The following TRAK1 variants were observed in gnomAD, a reference collection of about 807,000 sequenced individuals.
TRAK1 encodes the protein trafficking kinesin-binding protein 1.
In TRAK1, 33 loss-of-function variants were observed where a neutral mutation model predicts 92.1. The ratio of observed to expected loss-of-function variants is 0.36; its 90% CI spans 0.27 to 0.48. TRAK1 has a LOEUF of 0.48. TRAK1 is among the 20% of genes least tolerant of loss of function. TRAK1 has a pLI of 0.99. For missense variants in TRAK1, 1,123 were observed against 1,257.9 expected, an observed-to-expected ratio of 0.89 and a Z score of 1.62; for synonymous variants, 521 against 517.3, an observed-to-expected ratio of 1.01 and a Z score of -0.10.
intron 3 of TRAK1, among the ~76,000 whole-genome samples, chr3:42,182,271 G>A (rs1409846989): frequency 2.0e-5 from 3 of 151,796 alleles, no homozygotes; most frequent in Non-Finnish European, 4.4e-5. Context: ...CAAATTGTGG[G>A]AACGAGTTGG....
intron 1 of TRAK1, among the ~76,000 whole-genome samples, chr3:42,019,208 G>A (rs1225081789): frequency 6.6e-6 from 1 of 152,158 alleles, no homozygotes; most frequent in Non-Finnish European, 1.5e-5. Flanking sequence ...CAGAGATAAA[G>A]CATTTATGCA....
Position 42,154,393 on chromosome 3 carries a change from G to A in TRAK1, c.287-22421G>A, listed in dbSNP as rs536952940. Among the ~76,000 whole-genome samples the A allele has an allele frequency of 3.3e-5, 5 of 152,238 alleles. No individual in the cohort carries two copies. In the South Asian group the frequency reaches 8.3e-4, roughly 25 times the overall value. On this transcript the variant is annotated intron_variant, in intron 2 of 15. Coordinates refer to ENST00000327628, the MANE Select transcript of TRAK1 (RefSeq NM_001042646.3). ...TCACCATGTTGGCCAGGCTGGTCTC[G>A]AACTCCTGATCTCAGGTGGTCTGCT...
At chr3:42,109,665 T>A (rs1291139902) in intron 1 of TRAK1, among the ~76,000 whole-genome samples, 2 of 152,152 alleles carry the variant, frequency 1.3e-5, no homozygotes, top group Non-Finnish European at 2.9e-5. Context: ...ATGTTTATTG[T>A]GGCACTATTC....
At chr3:42,214,026 G>C (rs1473533787) in intron 14 of TRAK1, among the ~76,000 whole-genome samples, 1 of 152,164 alleles carries the variant, frequency 6.6e-6, no homozygotes, top group African/African-American at 2.4e-5. Flanking sequence ...GTGGAAAAAT[G>C]AATGAAGAAT....
intron 2 of TRAK1, among the ~76,000 whole-genome samples, chr3:42,164,259 A>T: frequency 6.6e-6 from 1 of 152,328 alleles, no homozygotes; most frequent in South Asian, 2.1e-4. Flanking sequence ...TACATTGTCA[A>T]CTTGCCTAAA....
intron 1 of TRAK1, among the ~76,000 whole-genome samples, chr3:42,041,200 C>T (rs1451265505): frequency 1.3e-5 from 2 of 148,946 alleles, no homozygotes; most frequent in Non-Finnish European, 3.0e-5. Context: ...AGATCAATTT[C>T]AGGAGTATTG....
At chr3:42,187,534 C>T (rs894649247) in intron 4 of TRAK1, among the ~76,000 whole-genome samples, 1 of 151,948 alleles carries the variant, frequency 6.6e-6, no homozygotes, top group Admixed American at 6.6e-5. Flanking sequence ...GTGGTGTGAT[C>T]TCAGCTCACT....
intron 14 of TRAK1, among the ~76,000 whole-genome samples, chr3:42,217,011 C>T (rs1709775741): frequency 6.6e-6 from 1 of 151,848 alleles, no homozygotes; most frequent in Non-Finnish European, 1.5e-5. Flanking sequence ...TGGTGCGTGG[C>T]ATGGGCTTGG....
intron 1 of TRAK1, among the ~76,000 whole-genome samples, chr3:42,112,043 C>T (rs1014242213): frequency 6.6e-6 from 1 of 151,376 alleles, no homozygotes; most frequent in African/African-American, 2.4e-5. Flanking sequence ...AAAAGTAGCC[C>T]CTACTCCAGA....
chr3:42,056,294 C>G (rs751779366), intron 1 of TRAK1, among the ~76,000 whole-genome samples: 26 of 152,226 alleles, frequency 1.7e-4, no homozygotes, highest in African/African-American at 5.8e-4. Flanking sequence ...ATTTTACATT[C>G]CCACCAGCAG....
intron 1 of TRAK1, among the ~76,000 whole-genome samples, chr3:42,094,964 AC>A: frequency 6.6e-6 from 1 of 152,146 alleles, no homozygotes; most frequent in South Asian, 2.1e-4. Flanking sequence ...CTCTATTCAG[AC>A]CCCAGCTGAC....
intron 2 of TRAK1, among the ~76,000 whole-genome samples, chr3:42,132,916 T>C (rs1464215224): frequency 1.3e-5 from 2 of 152,232 alleles, no homozygotes; most frequent in Non-Finnish European, 2.9e-5. Context: ...ACATTTGTCT[T>C]AATAAATACA....
intron 14 of TRAK1, chr3:42,211,558 A>G (rs1709029681): frequency 1.0e-6 from 1 of 985,312 alleles, no homozygotes; most frequent in Non-Finnish European, 1.2e-6. Context: ...TTTCGTGGCT[A>G]AAGGGGTAGG....
At chr3:42,020,735 A>G (rs978131664) in intron 1 of TRAK1, among the ~76,000 whole-genome samples, 2 of 152,216 alleles carry the variant, frequency 1.3e-5, no homozygotes, top group Non-Finnish European at 2.9e-5. Flanking sequence ...GATTTGGTAT[A>G]TGAGACTTCC....
chr3:42,134,478 A>G (rs1196426207), intron 2 of TRAK1, among the ~76,000 whole-genome samples: 8 of 150,390 alleles, frequency 5.3e-5, no homozygotes, highest in Non-Finnish European at 8.8e-5. Flanking sequence ...AGGTTTCACC[A>G]TGTTGCCTCG....
At chr3:42,037,445 C>T (rs968708729) in intron 1 of TRAK1, among the ~76,000 whole-genome samples, 1 of 152,154 alleles carries the variant, frequency 6.6e-6, no homozygotes, top group African/African-American at 2.4e-5. Context: ...AGGTGCCTGG[C>T]AAGTGTTGAG....
intron 2 of TRAK1, among the ~76,000 whole-genome samples, chr3:42,130,997 T>G (rs1279814413): frequency 6.6e-6 from 1 of 152,194 alleles, no homozygotes; most frequent in African/African-American, 2.4e-5. Flanking sequence ...TCACCTTTGC[T>G]CATTCACTTG....
In TRAK1 at chr3:42,200,988, T is replaced by C. The variant is rs1207853293; in HGVS notation, c.1361T>C (p.Ile454Thr). 6.2e-7 allele frequency: 1 copy of C among 1,614,154 alleles called. No homozygotes were observed. Among genetic ancestry groups the C allele is most frequent in the Non-Finnish European group, 8.5e-7 (1 of 1,180,030 alleles). ...CGGTCCAGCTTCTACGGCAGCGACA[T>C]AGGCAACGTCGTCCTCGACAACAAG... Reference protein sequence around the residue: ...TPRSSFYGSDIGNVVLDNKTN... With the variant: ...TPRSSFYGSDTGNVVLDNKTN... The change falls in exon 12 of 16, where the codon ATA (isoleucine) becomes ACA (threonine). Residue 454 changes from isoleucine (I) to threonine (T), a missense_variant. Around this residue, in one of 3 missense-constraint regions of TRAK1, gnomAD observed 686 missense variants for 747.6 expected, o/e 0.92. Coordinates refer to ENST00000327628, the MANE Select transcript of TRAK1 (RefSeq NM_001042646.3).
At chr3:42,154,998 T>C (rs1181227560) in intron 2 of TRAK1, among the ~76,000 whole-genome samples, 1 of 152,002 alleles carries the variant, frequency 6.6e-6, no homozygotes, top group Non-Finnish European at 1.5e-5. Flanking sequence ...TCTACCCTGC[T>C]TGATTCAGTA....
Sources: allele counts gnomAD v4.1 joint callset (sites outside exome capture counted in the v4.1 genomes callset), GRCh38; gene constraint gnomAD v4.1.1; regional missense constraint gnomAD v4.1.1; transcripts MANE v1.5; gene names NCBI Gene and HGNC (gene_info 2026-07-23, HGNC 2026-07-21).